SPATA21: variants seen among roughly 807,000 people sequenced by gnomAD.
SPATA21 encodes spermatogenesis-associated protein 21.
SPATA21 carries 47 observed loss-of-function variants against 54.8 expected under a neutral mutation model. The observed-to-expected ratio is 0.86, with a 90% CI of 0.68 to 1.09. The LOEUF is 1.09. SPATA21 is among the 50% of genes least tolerant of loss of function. The pLI is 0.00. For synonymous variants in SPATA21, 245 were observed against 235.3 expected, an observed-to-expected ratio of 1.04 and a Z score of -0.38; for missense variants, 599 against 596.4, an observed-to-expected ratio of 1.00 and a Z score of -0.05.
At chr1:16,400,687 C>G in intron 11 of SPATA21, 33 bp downstream of exon 11, 1 of 1,591,466 alleles carries the variant, frequency 6.3e-7, no homozygotes, top group South Asian at 1.1e-5. Context: ...AAGCCCCAAC[C>G]CTAGCCCATC....
In SPATA21 at chr1:16,421,667, C is replaced by CA; in HGVS notation, c.96-111_96-110insT. 1 of 1,255,038 alleles carries CA rather than the reference C, an allele frequency of 8.0e-7. No homozygotes were observed. The highest frequency in any genetic ancestry group is 1.1e-6 in the Non-Finnish European group (1 of 897,322). The allele number at this position is 1,255,038 out of a possible 1,614,324, so 77.7% of individuals were successfully genotyped here. A position where few individuals can be genotyped will look rare whatever the true frequency, so the allele number is the denominator to read the frequency against. On this transcript the variant is annotated intron_variant, in intron 4 of 12. Coordinates refer to ENST00000335496, the MANE Select transcript of SPATA21 (RefSeq NM_198546.1). This position sits in a 1 kb window ranked among gnomAD's most constrained non-coding sequence, Gnocchi z 5.2. Reference sequence around the variant, plus strand: ...CTCAGTTCCACCCCAGCCTCATCCCCTTGGCCTTCTCATCTCAGGGGGCTC... The same window carrying CA: ...CTCAGTTCCACCCCAGCCTCATCCCCATTGGCCTTCTCATCTCAGGGGGCTC...
intron 3 of SPATA21, 135 bp from the exon 4 acceptor site, chr1:16,422,106 G>A (rs147669832): frequency 6.6e-7 from 1 of 1,525,548 alleles, no homozygotes. Context: ...GCCTCCCAGT[G>A]GCTGGCCATG....
At chr1:16,434,061 G>A (rs535976278) in intron 1 of SPATA21, among the ~76,000 whole-genome samples, 258 of 152,138 alleles carry the variant, frequency 1.7e-3, no homozygotes, top group African/African-American at 6.0e-3. Flanking sequence ...CTGTCTTAGT[G>A]GATTTGTCTA....
At position 16,409,156 on chromosome 1, in the gene SPATA21, TC is replaced by T. The variant is rs750725394; in HGVS notation, c.634del (p.Glu212ArgfsTer7). ...QSLQKLYQNREKSEEQLTLKQ... is the reference protein window; with the variant it reads ...QSLQKLYQNRXKSEEQLTLKQ... ...CAGGGTCAGTTGCTCCTCGGACTTC[TC>T]CCGGTTTTGATAAAGCTTTTGGAGG... On this transcript the variant is annotated frameshift_variant, in exon 7 of 13. Transcript: ENST00000335496. LOFTEE classifies it high-confidence loss of function. This position sits in a 1 kb window ranked among gnomAD's most constrained non-coding sequence, Gnocchi z 4.1. 30 of 1,613,990 alleles carry T rather than the reference TC, an allele frequency of 1.9e-5. No individual in the cohort carries two copies. Among genetic ancestry groups the T allele is most frequent in the Non-Finnish European group, 2.4e-5 (28 of 1,180,006 alleles).
At chr1:16,416,320 G>C (rs1037395063) in intron 5 of SPATA21, among the ~76,000 whole-genome samples, 1 of 152,140 alleles carries the variant, frequency 6.6e-6, no homozygotes, top group South Asian at 2.1e-4. Context: ...GGTGCAGGTG[G>C]GCCTTGGACC....
At chr1:16,424,228 G>T (rs1557668434) in intron 3 of SPATA21, among the ~76,000 whole-genome samples, 8 of 2,924 alleles carry the variant, frequency 2.7e-3, no homozygotes, top group African/African-American at 3.0e-3. Flanking sequence ...CAGGAGAATG[G>T]CATGAACCTG....
At chr1:16,408,191 G>C (rs1214997441) in intron 7 of SPATA21, among the ~76,000 whole-genome samples, 1 of 152,188 alleles carries the variant, frequency 6.6e-6, no homozygotes, top group Admixed American at 6.5e-5. Flanking sequence ...AGGCTTTGGA[G>C]AGGAGTAGGG....
intron 1 of SPATA21, among the ~76,000 whole-genome samples, chr1:16,435,152 G>A (rs1032131083): frequency 1.3e-5 from 2 of 151,148 alleles, no homozygotes; most frequent in Non-Finnish European, 3.0e-5. Flanking sequence ...CCACTGTACC[G>A]CCTTACTTGT....
At chr1:16,410,836 G>A (rs917277075) in intron 5 of SPATA21, 44 of 401,246 alleles carry the variant, frequency 1.1e-4, no homozygotes, top group African/African-American at 2.3e-4. Context: ...GTGTTCCACC[G>A]CGCCCGGCTG....
intron 5 of SPATA21, among the ~76,000 whole-genome samples, chr1:16,411,361 A>AT (rs2085837934): frequency 6.6e-6 from 1 of 151,730 alleles, no homozygotes; most frequent in East Asian, 1.9e-4. Flanking sequence ...TAATATTTTA[A>AT]TTTTTTGTAG....
At chr1:16,417,282 C>T (rs550307525) in intron 5 of SPATA21, among the ~76,000 whole-genome samples, 15 of 151,976 alleles carry the variant, frequency 9.9e-5, no homozygotes, top group South Asian at 6.2e-4. Context: ...TCTTTTGAGA[C>T]GGAGTTTCAC....
Position 16,403,721 on chromosome 1 carries a change from A to G in SPATA21, c.1001+6T>C. Reference sequence around the variant, plus strand: ...CCCTTCACCCCCAACAACCGGCCCCACTCACTTTGTGATTTCCTCTAAGAC... The same window carrying G: ...CCCTTCACCCCCAACAACCGGCCCCGCTCACTTTGTGATTTCCTCTAAGAC... On this transcript the variant is annotated splice_donor_region_variant and intron_variant, in intron 10 of 12. Transcript: ENST00000335496. 1 of 1,610,610 alleles carries G rather than the reference A, an allele frequency of 6.2e-7. No individual in the cohort carries two copies. The highest frequency in any genetic ancestry group is 8.5e-7 in the Non-Finnish European group (1 of 1,177,376).
intron 3 of SPATA21, 144 bp from the exon 4 acceptor site, chr1:16,422,115 T>C (rs1362826009): frequency 6.5e-7 from 1 of 1,527,430 alleles, no homozygotes; most frequent in African/African-American, 1.4e-5. Context: ...TGGCTGGCCA[T>C]GGCTGGCCAA....
rs144512351 is a variant in SPATA21 at position 16,424,702 on chromosome 1, C to T, written c.35-2731G>A. On this transcript the variant is annotated intron_variant, in intron 3 of 12. Transcript: ENST00000335496. ...GTGCTGGGATTACAAGCACGAGCCACGGCGCCTGGCCTCTAATCATATCTT... is the reference window on the plus strand; with the variant it reads ...GTGCTGGGATTACAAGCACGAGCCATGGCGCCTGGCCTCTAATCATATCTT... Among the ~76,000 whole-genome samples the T allele has an allele frequency of 4.6e-5, 7 of 152,198 alleles. No homozygotes were observed. The East Asian group carries it at 7.8e-4, about 17-fold the overall frequency.
intron 12 of SPATA21, among the ~76,000 whole-genome samples, chr1:16,399,075 C>T (rs2085363827): frequency 6.6e-6 from 1 of 152,180 alleles, no homozygotes; most frequent in Non-Finnish European, 1.5e-5. Context: ...AATATGGAAC[C>T]ATAGGGAACT....
At chr1:16,415,780 G>C (rs185412400) in intron 5 of SPATA21, among the ~76,000 whole-genome samples, 2 of 152,006 alleles carry the variant, frequency 1.3e-5, no homozygotes, top group Admixed American at 6.6e-5. Flanking sequence ...GGATGGTCTC[G>C]ATCTCCTGAC....
chr1:16,415,336 CA>C (rs35407415), intron 5 of SPATA21, among the ~76,000 whole-genome samples: 190 of 149,584 alleles, frequency 1.3e-3, no homozygotes, highest in African/African-American at 4.2e-3. Flanking sequence ...ATGTGACCCT[CA>C]AAAAAAAAAT....
At chr1:16,436,958 C>T (rs1248356649) in intron 1 of SPATA21, among the ~76,000 whole-genome samples, 170 bp downstream of exon 1, 1 of 152,138 alleles carries the variant, frequency 6.6e-6, no homozygotes, top group African/African-American at 2.4e-5. Context: ...GTATTGAGTG[C>T]CCCTTTTATA....
intron 3 of SPATA21, among the ~76,000 whole-genome samples, chr1:16,427,515 C>T (rs2086353712): frequency 6.6e-6 from 1 of 152,084 alleles, no homozygotes; most frequent in Non-Finnish European, 1.5e-5. Flanking sequence ...TCCTGTGTCT[C>T]CTAACCTTTT....
Sources: gnomAD v4.1 joint callset for allele counts (sites outside exome capture counted in the v4.1 genomes callset) on GRCh38, gnomAD v4.1.1 for gene constraint, Gnocchi (gnomAD v3.1) non-coding constraint, MANE v1.5 for transcripts, NCBI Gene and HGNC (gene_info 2026-07-23, HGNC 2026-07-21) for gene names.